The following DIAPH3 variants were observed in gnomAD, a reference collection of about 807,000 sequenced individuals.
The protein encoded by DIAPH3 is protein diaphanous homolog 3.
In DIAPH3, 117 loss-of-function variants were observed where a neutral mutation model predicts 144.3. The ratio of observed to expected loss-of-function variants is 0.81; its 90% CI spans 0.70 to 0.95. The LOEUF is 0.95. Among genes scored for constraint, DIAPH3 ranks in the 40% least tolerant of loss-of-function variants. The pLI is 0.00. For missense variants in DIAPH3, 1,421 were observed against 1,412.7 expected, an observed-to-expected ratio of 1.01 and a Z score of -0.09; for synonymous variants, 519 against 488.9, an observed-to-expected ratio of 1.06 and a Z score of -0.81.
intron 18 of DIAPH3, among the ~76,000 whole-genome samples, chr13:59,917,102 T>A (rs2047258801): frequency 6.6e-6 from 1 of 152,208 alleles, no homozygotes; most frequent in African/African-American, 2.4e-5. Flanking sequence ...TTTTTCTTTT[T>A]ATTTAATGAA....
In DIAPH3 at chr13:60,149,156, T is replaced by C. The variant is rs116631491; in HGVS notation, c.180+14431A>G. On this transcript the variant is annotated intron_variant, in intron 1 of 27. Coordinates refer to ENST00000400324, the MANE Select transcript of DIAPH3 (RefSeq NM_001042517.2). The stretch of plus-strand genomic sequence containing the variant: ...TAAACATTTCAGCACCATTACAGGA[T>C]GGAGCGTGTAAAAAGCAAAACCTTC... Among the ~76,000 whole-genome samples the C allele has an allele frequency of 5.6e-3, 847 of 152,302 alleles. 8 individuals carry two copies. The highest frequency in any genetic ancestry group is 0.02 in the African/African-American group (819 of 41,574).
At chr13:60,094,193 C>T (rs2058039567) in intron 3 of DIAPH3, among the ~76,000 whole-genome samples, 1 of 152,132 alleles carries the variant, frequency 6.6e-6, no homozygotes, top group Admixed American at 6.5e-5. Flanking sequence ...ATCAAATATC[C>T]AGTACTGGTT....
chr13:59,975,146 T>A (rs1217109073), intron 14 of DIAPH3, among the ~76,000 whole-genome samples: 4 of 151,952 alleles, frequency 2.6e-5, no homozygotes, highest in Non-Finnish European at 5.9e-5. Flanking sequence ...TTGCCATTAT[T>A]ATGACTAAAA....
At chr13:60,100,293 T>C (rs1034687264) in intron 3 of DIAPH3, among the ~76,000 whole-genome samples, 8 of 152,022 alleles carry the variant, frequency 5.3e-5, no homozygotes, top group Non-Finnish European at 1.0e-4. Flanking sequence ...TATCCCAAAA[T>C]AGATCTCAAT....
At chr13:60,142,511 A>C (rs1369123405) in intron 1 of DIAPH3, among the ~76,000 whole-genome samples, 2 of 152,104 alleles carry the variant, frequency 1.3e-5, no homozygotes, top group Non-Finnish European at 2.9e-5. Flanking sequence ...TTTAAACATA[A>C]CTCTGAGGAC....
chr13:60,157,304 A>G (rs1952080373), intron 1 of DIAPH3, among the ~76,000 whole-genome samples: 1 of 152,146 alleles, frequency 6.6e-6, no homozygotes, highest in African/African-American at 2.4e-5. Context: ...TCTTCAGGCT[A>G]GCTATCCTCA....
intron 9 of DIAPH3, among the ~76,000 whole-genome samples, chr13:60,008,220 C>T (rs1030332434): frequency 3.3e-5 from 5 of 152,004 alleles, no homozygotes; most frequent in Non-Finnish European, 5.9e-5. Flanking sequence ...AATGAAACCC[C>T]GTCTCTACTA....
At chr13:59,763,323 CAT>C (rs1172065855) in intron 27 of DIAPH3, among the ~76,000 whole-genome samples, 2 of 150,970 alleles carry the variant, frequency 1.3e-5, no homozygotes, top group Non-Finnish European at 2.9e-5. Context: ...TATGTATATA[CAT>C]ATATGTGTGT....
rs746531119 is a variant in DIAPH3 at position 60,042,803 on chromosome 13, GCTTCT to G, written c.508_512del (p.Arg170ProfsTer11). 7.4e-6 allele frequency: 12 copies of G among 1,613,334 alleles called. No individual in the cohort carries two copies. Among genetic ancestry groups the G allele is most frequent in the South Asian group, 2.2e-5 (2 of 91,066 alleles). On this transcript the variant is annotated frameshift_variant, in exon 5 of 28. Transcript: ENST00000400324. LOFTEE classifies it high-confidence loss of function. ...TGAATTCCTGAGGTGAGATCTGTCG[GCTTCT>G]CTTAAGACTTCCCTATAAAATAAGT...
At chr13:59,862,315 A>T (rs1314204512) in intron 21 of DIAPH3, among the ~76,000 whole-genome samples, 1 of 152,240 alleles carries the variant, frequency 6.6e-6, no homozygotes, top group African/African-American at 2.4e-5. Flanking sequence ...TAGGATTTTG[A>T]TTTTGAAGCA....
intron 27 of DIAPH3, among the ~76,000 whole-genome samples, chr13:59,688,186 C>T (rs1237149990): frequency 6.6e-6 from 1 of 151,972 alleles, no homozygotes; most frequent in Non-Finnish European, 1.5e-5. Context: ...TAAGGGATGG[C>T]TCTATTGTTG....
intron 4 of DIAPH3, among the ~76,000 whole-genome samples, chr13:60,088,641 G>A (rs1594632779): frequency 6.6e-6 from 1 of 152,044 alleles, no homozygotes; most frequent in Admixed American, 6.5e-5. Context: ...GCGGGGAGGG[G>A]GACAGGGTCT....
intron 12 of DIAPH3, among the ~76,000 whole-genome samples, chr13:59,989,900 C>A (rs543025958): frequency 6.6e-6 from 1 of 151,950 alleles, no homozygotes; most frequent in South Asian, 2.1e-4. Context: ...CAGCATCAAA[C>A]TTCCAGAAGA....
chr13:59,880,214 C>CAA (rs1181571913), intron 20 of DIAPH3, among the ~76,000 whole-genome samples: 1 of 152,156 alleles, frequency 6.6e-6, no homozygotes, highest in African/African-American at 2.4e-5. Flanking sequence ...TTTATCCTTA[C>CAA]TCCTGTGTTA....
In DIAPH3 at chr13:59,993,702, TAAA is replaced by T. The variant is rs3078724; in HGVS notation, c.1015-1122_1015-1120del. Among the ~76,000 whole-genome samples the T allele has an allele frequency of 2.1e-3, 158 of 73,874 alleles. 3 individuals carry two copies. Among genetic ancestry groups the T allele is most frequent in the Non-Finnish European group, 2.8e-3 (112 of 39,968 alleles). The allele number at this position is 73,874 out of a possible 152,430, so 48.5% of individuals were successfully genotyped here. On this transcript the variant is annotated intron_variant, in intron 9 of 27. Transcript: ENST00000400324. ...GAGAGAGGAAGAAGAGAAACATACT[TAAA>T]AAAAAAAAAAAAAAAAACTTAACAG...
At chr13:59,902,937 C>T (rs897795199) in intron 20 of DIAPH3, among the ~76,000 whole-genome samples, 1 of 152,058 alleles carries the variant, frequency 6.6e-6, no homozygotes, top group Non-Finnish European at 1.5e-5. Context: ...GATTTCCAGA[C>T]AAGATTACCA....
intron 3 of DIAPH3, among the ~76,000 whole-genome samples, chr13:60,110,577 T>C (rs2058540093): frequency 6.6e-6 from 1 of 152,196 alleles, no homozygotes; most frequent in South Asian, 2.1e-4. Flanking sequence ...AGTACTGTAG[T>C]ATACTCAAGG....
chr13:59,901,671 G>A (rs904942678), intron 20 of DIAPH3, among the ~76,000 whole-genome samples: 7 of 152,196 alleles, frequency 4.6e-5, no homozygotes, highest in Non-Finnish European at 8.8e-5. Context: ...CACAGTAGGT[G>A]TTCAATAAAT....
At chr13:59,704,848 C>T (rs1485038606) in intron 27 of DIAPH3, among the ~76,000 whole-genome samples, 1 of 152,146 alleles carries the variant, frequency 6.6e-6, no homozygotes, top group African/African-American at 2.4e-5. Flanking sequence ...TCGTTAAGTG[C>T]CGTCTGACTA....
Sources: allele counts gnomAD v4.1 joint callset (sites outside exome capture counted in the v4.1 genomes callset), GRCh38; gene constraint gnomAD v4.1.1; transcripts MANE v1.5; gene names NCBI Gene and HGNC (gene_info 2026-07-23, HGNC 2026-07-21).